The following MTMR8 variants were observed in gnomAD, a reference collection of about 807,000 sequenced individuals.
MTMR8 encodes the protein phosphatidylinositol-3,5-bisphosphate 3-phosphatase MTMR8.
In MTMR8, 65 loss-of-function variants were observed where a neutral mutation model predicts 39.3. The observed-to-expected ratio is 1.65, with a 90% CI of 1.35 to 2.03. The LOEUF is 2.03. Ranked by LOEUF, MTMR8 falls within the 30% of genes most tolerant of loss-of-function variation. The pLI, the probability that MTMR8 is intolerant of heterozygous loss-of-function variation, is 0.00. For missense variants in MTMR8, 777 were observed against 538.9 expected (o/e 1.44, Z -4.37); for synonymous variants, 245 against 185.2 (o/e 1.32, Z -2.62).
chrX:64,276,429 T>C (rs568525048), intron 12 of MTMR8, among the ~76,000 whole-genome samples: 1 of 111,608 alleles, frequency 9.0e-6, no homozygotes, highest in Non-Finnish European at 1.9e-5. Context: ...TTTGGTACTA[T>C]AAATTTCCCT....
Position 64,370,800 on chromosome X carries a change from C to T in MTMR8, c.25-11273G>A, listed in dbSNP as rs191442029. ...TAGTGAGGCACTTCTCAGAACATAT[C>T]CCCATGGTAAAGTGATGCATGACTG... On this transcript the variant is annotated intron_variant, in intron 1 of 13. Transcript: ENST00000374852. Among the ~76,000 whole-genome samples the T allele has an allele frequency of 2.2e-3, 248 of 111,511 alleles. 1 individual carries two copies. Among genetic ancestry groups the T allele is most frequent in the South Asian group, 9.1e-3 (24 of 2,648 alleles).
intron 12 of MTMR8, among the ~76,000 whole-genome samples, chrX:64,325,188 C>T (rs983419341): frequency 5.4e-4 from 60 of 111,644 alleles, no homozygotes; most frequent in African/African-American, 1.8e-3. Flanking sequence ...AAAGAAAAGC[C>T]CAGGACTTGA....
intron 1 of MTMR8, among the ~76,000 whole-genome samples, chrX:64,379,304 A>T (rs866743637): frequency 8.9e-6 from 1 of 112,098 alleles, no homozygotes; most frequent in African/African-American, 3.2e-5. Flanking sequence ...CTAATTCCAA[A>T]ACCAGAAAAT....
intron 1 of MTMR8, among the ~76,000 whole-genome samples, chrX:64,366,177 G>C (rs780048314): frequency 2.3e-4 from 26 of 111,439 alleles, no homozygotes; most frequent in African/African-American, 7.8e-4. Context: ...ACACCCTACT[G>C]TCACTATCAG....
At chrX:64,341,095 A>G (rs1170786758) in intron 8 of MTMR8, among the ~76,000 whole-genome samples, 1 of 112,721 alleles carries the variant, frequency 8.9e-6, no homozygotes, top group African/African-American at 3.2e-5. Flanking sequence ...ACAATTGAAT[A>G]TAACATAGTT....
intron 1 of MTMR8, among the ~76,000 whole-genome samples, chrX:64,374,121 A>G (rs1924199273): frequency 8.9e-6 from 1 of 111,916 alleles, no homozygotes; most frequent in Admixed American, 9.5e-5. Context: ...TATAAATTAT[A>G]AACTCCCAGG....
At chrX:64,312,859 G>A (rs1254207149) in intron 12 of MTMR8, among the ~76,000 whole-genome samples, 2 of 112,476 alleles carry the variant, frequency 1.8e-5, no homozygotes, top group Non-Finnish European at 3.8e-5. Flanking sequence ...CTGTTATTGA[G>A]CAGTAATACT....
At chrX:64,284,187 C>A (rs1429448236) in intron 12 of MTMR8, among the ~76,000 whole-genome samples, 2 of 112,085 alleles carry the variant, frequency 1.8e-5, no homozygotes, top group African/African-American at 6.5e-5. Flanking sequence ...GCACAAGCTT[C>A]AGTAGATGAT....
chrX:64,286,800 A>G (rs1265658609), intron 12 of MTMR8, among the ~76,000 whole-genome samples: 1 of 111,698 alleles, frequency 9.0e-6, no homozygotes. Context: ...TTAGGTATTG[A>G]TGGGATATAT....
intron 2 of MTMR8, among the ~76,000 whole-genome samples, chrX:64,357,161 A>G (rs1180864032): frequency 9.0e-6 from 1 of 111,503 alleles, no homozygotes; most frequent in Non-Finnish European, 1.9e-5. Context: ...ATGGTTTTGC[A>G]TTTTGATCTT....
chrX:64,285,593 T>G (rs1181431802), intron 12 of MTMR8, among the ~76,000 whole-genome samples: 1 of 111,437 alleles, frequency 9.0e-6, no homozygotes, highest in Non-Finnish European at 1.9e-5. Context: ...CCTCAGCAAA[T>G]GTAAAAGAAC....
intron 10 of MTMR8, among the ~76,000 whole-genome samples, chrX:64,333,291 T>A (rs1462430295): frequency 9.0e-6 from 1 of 111,544 alleles, no homozygotes; most frequent in African/African-American, 3.3e-5. Flanking sequence ...TCAACTACCT[T>A]GTCAAACCCC....
chrX:64,275,926 A>G (rs1256132818), intron 12 of MTMR8, among the ~76,000 whole-genome samples: 2 of 111,689 alleles, frequency 1.8e-5, no homozygotes, highest in East Asian at 5.6e-4. Context: ...GAAAAACTGA[A>G]CAGACTAATA....
intron 12 of MTMR8, among the ~76,000 whole-genome samples, chrX:64,301,704 G>C (rs1371983580): frequency 1.8e-5 from 2 of 110,940 alleles, no homozygotes; most frequent in African/African-American, 6.6e-5. Context: ...CCATCTTTGC[G>C]GTTTTATCTA....
chrX:64,300,785 C>T (rs1416099121), intron 12 of MTMR8, among the ~76,000 whole-genome samples: 1 of 105,856 alleles, frequency 9.4e-6, no homozygotes, highest in East Asian at 3.0e-4. Context: ...GTGACAAAAT[C>T]TCTCAGCATT....
At chrX:64,312,095 A>T in intron 12 of MTMR8, among the ~76,000 whole-genome samples, 1 of 111,435 alleles carries the variant, frequency 9.0e-6, no homozygotes, top group East Asian at 2.8e-4. Flanking sequence ...TACCTTGGGC[A>T]GTATGGCCAT....
chrX:64,311,221 T>C (rs760593178), intron 12 of MTMR8, among the ~76,000 whole-genome samples: 33 of 112,064 alleles, frequency 2.9e-4, no homozygotes, highest in African/African-American at 1.0e-3. Flanking sequence ...TATCTCACTG[T>C]GGTTTTGATT....
chrX:64,320,642 G>A (rs1405478042), intron 12 of MTMR8, among the ~76,000 whole-genome samples: 1 of 109,730 alleles, frequency 9.1e-6, no homozygotes, highest in African/African-American at 3.3e-5. Context: ...AAAAAGCCTG[G>A]GAAGGAAAAG....
chrX:64,383,738 C>A (rs1401329994), intron 1 of MTMR8, among the ~76,000 whole-genome samples: 5 of 110,796 alleles, frequency 4.5e-5, no homozygotes, highest in Admixed American at 1.9e-4. Flanking sequence ...GAGATGCACC[C>A]CCATCATCCA....
Sources: allele counts gnomAD v4.1 joint callset (sites outside exome capture counted in the v4.1 genomes callset), GRCh38; gene constraint gnomAD v4.1.1; transcripts MANE v1.5; gene names NCBI Gene and HGNC (gene_info 2026-07-23, HGNC 2026-07-21).